The following KCNIP1 variants were observed in gnomAD, a reference collection of about 807,000 sequenced individuals.
KCNIP1 encodes the protein potassium voltage-gated channel interacting protein 1, also known as A-type potassium channel modulatory protein KCNIP1.
KCNIP1 carries 18 observed loss-of-function variants against 33.0 expected under a neutral mutation model. That is an observed-to-expected ratio of 0.55 (90% CI 0.38 to 0.81). The LOEUF is 0.81. Ranked by LOEUF, KCNIP1 falls within the 30% of genes least tolerant of loss-of-function variation. The probability of loss-of-function intolerance (pLI) is 0.00; values close to 1 mark genes in which losing one functional copy is unlikely to be tolerated. For synonymous variants in KCNIP1, 93 were observed against 98.3 expected (o/e 0.95, Z 0.32); for missense variants, 238 against 271.6 (o/e 0.88, Z 0.87).
intron 1 of KCNIP1, among the ~76,000 whole-genome samples, chr5:170,560,223 A>G (rs894549785): frequency 1.3e-5 from 2 of 152,046 alleles, no homozygotes; most frequent in African/African-American, 4.8e-5. Flanking sequence ...CTGGGCTTCC[A>G]GCAGAAAGCA....
intron 1 of KCNIP1, among the ~76,000 whole-genome samples, chr5:170,651,739 A>C (rs890562057): frequency 6.6e-6 from 1 of 152,198 alleles, no homozygotes; most frequent in Non-Finnish European, 1.5e-5. Context: ...GGGTGGATTA[A>C]TTATTCAGCA....
intron 1 of KCNIP1, among the ~76,000 whole-genome samples, chr5:170,414,584 G>A (rs1755279194): frequency 6.6e-6 from 1 of 152,174 alleles, no homozygotes; most frequent in Non-Finnish European, 1.5e-5. Context: ...AGTCTACTCT[G>A]GCTCAGGAGG....
In KCNIP1 at chr5:170,504,137, A is replaced by C; in HGVS notation, c.-436A>C. 1.0e-6 allele frequency: 1 copy of C among 994,156 alleles called. No individual in the cohort carries two copies. Among genetic ancestry groups the C allele is most frequent in the Non-Finnish European group, 1.2e-6 (1 of 836,630 alleles). The allele number at this position is 994,156 out of a possible 1,614,324, so 61.6% of individuals were successfully genotyped here. A position where few individuals can be genotyped will look rare whatever the true frequency, so the allele number is the denominator to read the frequency against. ...ATTGGTACTCGGCCCTCCGAGACCC[A>C]GCCCGAGCGCAGGGAGGGGAGCCGA... is the stretch of plus-strand genomic sequence containing the variant. On this transcript the variant is annotated 5_prime_UTR_variant, in exon 1 of 8. Coordinates refer to ENST00000328939, the MANE Select transcript of KCNIP1 (RefSeq NM_014592.4). This position sits in a 1 kb window ranked among gnomAD's most constrained non-coding sequence, Gnocchi z 6.0.
At chr5:170,564,496 A>G (rs1460677297) in intron 1 of KCNIP1, among the ~76,000 whole-genome samples, 1 of 152,212 alleles carries the variant, frequency 6.6e-6, no homozygotes, top group Non-Finnish European at 1.5e-5. Context: ...CTCCAGGGTG[A>G]ATTGCGGGGG....
At chr5:170,599,498 T>C (rs1468406925) in intron 1 of KCNIP1, among the ~76,000 whole-genome samples, 1 of 152,100 alleles carries the variant, frequency 6.6e-6, no homozygotes, top group East Asian at 1.9e-4. Flanking sequence ...GAGTCTCCCA[T>C]CATTGGAGAC....
At chr5:170,529,027 C>T (rs1455656783) in intron 1 of KCNIP1, among the ~76,000 whole-genome samples, 1 of 152,166 alleles carries the variant, frequency 6.6e-6, no homozygotes, top group East Asian at 1.9e-4. Flanking sequence ...TTAGTCAGAA[C>T]CTTTTCAGTT....
chr5:170,685,157 T>G (rs1581498599), intron 1 of KCNIP1, among the ~76,000 whole-genome samples: 1 of 152,218 alleles, frequency 6.6e-6, no homozygotes, highest in Middle Eastern at 3.4e-3. Flanking sequence ...AAGACTTTTC[T>G]GTTTGTATGA....
chr5:170,550,902 T>C (rs948167701), intron 1 of KCNIP1, among the ~76,000 whole-genome samples: 1 of 152,202 alleles, frequency 6.6e-6, no homozygotes, highest in Non-Finnish European at 1.5e-5. Context: ...GTGAGTCTAC[T>C]TCATAAGTAA....
chr5:170,410,185 C>T (rs1755144438), intron 1 of KCNIP1, among the ~76,000 whole-genome samples: 2 of 152,208 alleles, frequency 1.3e-5, no homozygotes, highest in South Asian at 2.1e-4. Context: ...ATCACAGACA[C>T]AGTGCAGGGC....
intron 1 of KCNIP1, among the ~76,000 whole-genome samples, chr5:170,487,597 C>T (rs1456325914): frequency 1.3e-5 from 2 of 151,072 alleles, no homozygotes; most frequent in African/African-American, 4.9e-5. Context: ...TCTCAACTCA[C>T]TATAACCTCC....
In KCNIP1 at chr5:170,651,095, C is replaced by T. The variant is rs6862456; in HGVS notation, c.62-67663C>T. 8.1e-3 allele frequency among the ~76,000 whole-genome samples: 1,239 copies of T among 152,240 alleles called. 10 individuals are homozygous for T. The highest frequency in any genetic ancestry group is 0.028 in the African/African-American group (1,179 of 41,532). On this transcript the variant is annotated intron_variant, in intron 1 of 7. Transcript: ENST00000328939. ...ATCTCTGCCTCTGAAGGGCAGAGGG[C>T]GTGGACTATTCTTGGCTCTTAGGGG...
chr5:170,657,090 G>A (rs1475214383), intron 1 of KCNIP1, among the ~76,000 whole-genome samples: 1 of 148,670 alleles, frequency 6.7e-6, no homozygotes, highest in Non-Finnish European at 1.5e-5. Context: ...CCACCTCCCG[G>A]GTTCAAGCAA....
chr5:170,683,779 A>G (rs1208752138), intron 1 of KCNIP1, among the ~76,000 whole-genome samples: 3 of 150,556 alleles, frequency 2.0e-5, no homozygotes, highest in Non-Finnish European at 3.0e-5. Context: ...GCTGGAGTGC[A>G]GTGGCATGAT....
intron 1 of KCNIP1, among the ~76,000 whole-genome samples, chr5:170,492,859 C>T (rs1202551980): frequency 6.6e-6 from 1 of 152,326 alleles, no homozygotes; most frequent in South Asian, 2.1e-4. Context: ...AAGTGATTCT[C>T]CTGCCTCAGC....
rs10214092 is a variant in KCNIP1 at position 170,465,965 on chromosome 5, G to A, written c.88+112001G>A. On this transcript the variant is annotated intron_variant, in intron 1 of 7. Coordinates refer to the KCNIP1 transcript ENST00000377360. ...AGAAAGCCCATGTTTGTAACTAACC[G>A]GAACGATGAATGTGGTTTGGAAGAC... 7.3e-3 allele frequency among the ~76,000 whole-genome samples: 1,113 copies of A among 152,258 alleles called. 6 individuals carry two copies. The highest frequency in any genetic ancestry group is 0.025 in the African/African-American group (1,058 of 41,524).
intron 1 of KCNIP1, among the ~76,000 whole-genome samples, chr5:170,635,516 C>G (rs1189546060): frequency 1.3e-5 from 2 of 152,112 alleles, no homozygotes; most frequent in African/African-American, 4.8e-5. Context: ...TGTTTATTTC[C>G]TGTTTACATC....
At chr5:170,540,836 C>T (rs575231994) in intron 1 of KCNIP1, among the ~76,000 whole-genome samples, 33 of 152,330 alleles carry the variant, frequency 2.2e-4, no homozygotes, top group African/African-American at 7.2e-4. Flanking sequence ...ACCTCAGACA[C>T]TTCCCACTTC....
chr5:170,514,397 C>A (rs1407770170), intron 1 of KCNIP1, among the ~76,000 whole-genome samples: 1 of 152,200 alleles, frequency 6.6e-6, no homozygotes, highest in Non-Finnish European at 1.5e-5. Flanking sequence ...GGCTTCCCCA[C>A]CCATCGAAAT....
intron 1 of KCNIP1, among the ~76,000 whole-genome samples, chr5:170,467,257 T>C (rs1756628004): frequency 6.6e-6 from 1 of 152,178 alleles, no homozygotes; most frequent in South Asian, 2.1e-4. Flanking sequence ...AGCTTTATTG[T>C]ATTTAAGAGA....
Sources: gnomAD v4.1 joint callset for allele counts (sites outside exome capture counted in the v4.1 genomes callset) on GRCh38, gnomAD v4.1.1 for gene constraint, Gnocchi (gnomAD v3.1) non-coding constraint, MANE v1.5 for transcripts, NCBI Gene and HGNC (gene_info 2026-07-23, HGNC 2026-07-21) for gene names.